Variants in HPSE2 observed in about 807,000 individuals in gnomAD.
The protein encoded by HPSE2 is heparanase 2 (inactive).
In HPSE2, 38 loss-of-function variants were observed where a neutral mutation model predicts 60.5. The observed-to-expected ratio is 0.63, with a 90% CI of 0.48 to 0.82. HPSE2 has a LOEUF of 0.82. HPSE2 is among the 40% of genes least tolerant of loss of function. The pLI, the probability that HPSE2 is intolerant of heterozygous loss-of-function variation, is 0.00. For missense variants in HPSE2, 713 were observed against 740.4 expected, an observed-to-expected ratio of 0.96 and a Z score of 0.43; for synonymous variants, 295 against 293.2, an observed-to-expected ratio of 1.01 and a Z score of -0.06.
intron 3 of HPSE2, among the ~76,000 whole-genome samples, chr10:98,844,551 T>C (rs748238836): frequency 3.3e-5 from 5 of 152,176 alleles, no homozygotes; most frequent in Non-Finnish European, 5.9e-5. Flanking sequence ...AGAAATATTA[T>C]TGAAATTAAA....
chr10:98,655,173 G>C (rs1172680731), intron 6 of HPSE2, among the ~76,000 whole-genome samples: 1 of 152,054 alleles, frequency 6.6e-6, no homozygotes, highest in Non-Finnish European at 1.5e-5. Flanking sequence ...AAAGGCTAGA[G>C]GGGGCTAGAG....
chr10:98,952,000 G>C (rs773997288), intron 3 of HPSE2, among the ~76,000 whole-genome samples: 1 of 152,140 alleles, frequency 6.6e-6, no homozygotes, highest in Non-Finnish European at 1.5e-5. Context: ...CAAGATTCAA[G>C]CCCAGGTAGC....
chr10:98,640,033 C>A (rs1351309889), intron 7 of HPSE2, among the ~76,000 whole-genome samples: 1 of 152,204 alleles, frequency 6.6e-6, no homozygotes, highest in Non-Finnish European at 1.5e-5. Flanking sequence ...ACAGAAAATT[C>A]TTCCCTCCTT....
At chr10:98,638,833 C>T (rs1023353612) in intron 7 of HPSE2, among the ~76,000 whole-genome samples, 15 of 152,140 alleles carry the variant, frequency 9.9e-5, no homozygotes, top group African/African-American at 3.4e-4. Flanking sequence ...AGCGTATACT[C>T]ACTTAAGGTA....
intron 3 of HPSE2, among the ~76,000 whole-genome samples, chr10:99,023,578 C>A (rs114102730): frequency 1.1e-3 from 173 of 152,290 alleles, no homozygotes; most frequent in African/African-American, 4.1e-3. Context: ...ACTGACCCAG[C>A]ACAGTCATAG....
In HPSE2 at chr10:98,569,474, AC is replaced by A. The variant is rs201864820; in HGVS notation, c.1320+45429del. 1.7e-3 allele frequency among the ~76,000 whole-genome samples: 252 copies of A among 152,326 alleles called. 1 individual carries two copies. The highest frequency in any genetic ancestry group is 5.9e-3 in the African/African-American group (245 of 41,568). ...ATTACAAATTTAAAATATAAATTTAACAAAAATATAGAGTTATACCATATAG... is the reference window on the plus strand; with the variant it reads ...ATTACAAATTTAAAATATAAATTTAAAAAAATATAGAGTTATACCATATAG... On this transcript the variant is annotated intron_variant, in intron 9 of 11. Transcript: ENST00000370552.
intron 2 of HPSE2, among the ~76,000 whole-genome samples, chr10:99,212,813 G>A (rs1292908593): frequency 6.6e-6 from 1 of 152,084 alleles, no homozygotes; most frequent in Non-Finnish European, 1.5e-5. Context: ...AAGTATGTGA[G>A]GTAATATATA....
chr10:98,576,389 T>C (rs1271310295), intron 9 of HPSE2, among the ~76,000 whole-genome samples: 23 of 151,954 alleles, frequency 1.5e-4, no homozygotes, highest in Admixed American at 1.5e-3. Context: ...CAGTTTAATA[T>C]CTTTTTTTGG....
intron 3 of HPSE2, among the ~76,000 whole-genome samples, chr10:99,057,831 G>A (rs919436527): frequency 5.3e-5 from 8 of 152,016 alleles, no homozygotes; most frequent in African/African-American, 1.4e-4. Context: ...ATCCTTTCCC[G>A]CCCCTCTTCC....
intron 7 of HPSE2, among the ~76,000 whole-genome samples, chr10:98,638,886 A>G (rs1316609429): frequency 6.6e-6 from 1 of 152,204 alleles, no homozygotes; most frequent in Non-Finnish European, 1.5e-5. Flanking sequence ...GGGGAAAAAA[A>G]CAGGGAAATG....
At chr10:98,519,775 C>T (rs1479261968) in intron 9 of HPSE2, among the ~76,000 whole-genome samples, 1 of 152,208 alleles carries the variant, frequency 6.6e-6, no homozygotes, top group East Asian at 1.9e-4. Context: ...ATTTTCTTGA[C>T]AGTCACTCTG....
chr10:99,135,997 C>T (rs1845634070), intron 3 of HPSE2, among the ~76,000 whole-genome samples: 2 of 151,530 alleles, frequency 1.3e-5, no homozygotes, highest in Admixed American at 6.6e-5. Context: ...ACTAGCCAGG[C>T]TAATACAGAA....
Position 98,509,019 on chromosome 10 carries a change from C to T in HPSE2, c.1321-18823G>A, listed in dbSNP as rs542400664. Reference sequence around the variant, plus strand: ...GTAGAAAGTAAATTGGAGGAAACCACTTAAGAGGTTAGTTTAGATGGCGCG... The same window carrying T: ...GTAGAAAGTAAATTGGAGGAAACCATTTAAGAGGTTAGTTTAGATGGCGCG... On this transcript the variant is annotated intron_variant, in intron 9 of 11. Coordinates refer to ENST00000370552, the MANE Select transcript of HPSE2 (RefSeq NM_021828.5). Among the ~76,000 whole-genome samples, 3 of 152,272 alleles carry T rather than the reference C, an allele frequency of 2.0e-5. No homozygotes were observed. In the East Asian group the frequency reaches 5.8e-4, roughly 29 times the overall value.
chr10:98,552,344 T>C (rs1335000308), intron 9 of HPSE2, among the ~76,000 whole-genome samples: 1 of 152,162 alleles, frequency 6.6e-6, no homozygotes, highest in African/African-American at 2.4e-5. Flanking sequence ...TAATACCTAT[T>C]CATAGGGTTT....
intron 3 of HPSE2, among the ~76,000 whole-genome samples, chr10:98,825,642 G>T (rs973937192): frequency 1.3e-5 from 2 of 151,352 alleles, no homozygotes; most frequent in African/African-American, 4.9e-5. Context: ...GTGTGGGGGG[G>T]AGTGAAACCT....
At chr10:98,927,597 G>A (rs1388750126) in intron 3 of HPSE2, among the ~76,000 whole-genome samples, 2 of 130,390 alleles carry the variant, frequency 1.5e-5, no homozygotes, top group Non-Finnish European at 3.2e-5. Flanking sequence ...ATACTACAAG[G>A]CTACAGTAAC....
chr10:99,311,096 T>C, the HPSE2 span, among the ~76,000 whole-genome samples: 3 of 152,234 alleles, frequency 2.0e-5, no homozygotes, highest in Admixed American at 6.5e-5. Context: ...CAAAAAAGTA[T>C]GATAAACTTA....
chr10:99,278,241 T>C, the HPSE2 span, among the ~76,000 whole-genome samples: 1 of 152,162 alleles, frequency 6.6e-6, no homozygotes, highest in Non-Finnish European at 1.5e-5. Context: ...TGTTTCTGGA[T>C]TTACAAGTGA....
At chr10:98,490,221 G>T (rs370670404) in intron 9 of HPSE2, 25 bp from the exon 10 acceptor site, 2 of 1,612,858 alleles carry the variant, frequency 1.2e-6, no homozygotes, top group Non-Finnish European at 1.7e-6. Context: ...GAGGGAGAGG[G>T]TCAGCGAGAG....
Sources: allele counts gnomAD v4.1 joint callset (sites outside exome capture counted in the v4.1 genomes callset), GRCh38; gene constraint gnomAD v4.1.1; transcripts MANE v1.5; gene names NCBI Gene and HGNC (gene_info 2026-07-23, HGNC 2026-07-21).